DOCK7: variants seen among roughly 807,000 people sequenced by gnomAD.
DOCK7 encodes the protein dedicator of cytokinesis 7, also known as dedicator of cytokinesis protein 7.
A neutral mutation model predicts 271.0 loss-of-function variants in DOCK7; 138 were observed. The observed-to-expected ratio is 0.51, with a 90% CI of 0.44 to 0.59. The LOEUF is 0.59. Ranked by LOEUF, DOCK7 falls within the 20% of genes least tolerant of loss-of-function variation. The probability of loss-of-function intolerance (pLI) is 0.00; values close to 1 mark genes in which losing one functional copy is unlikely to be tolerated. For synonymous variants in DOCK7, 823 were observed against 876.1 expected (o/e 0.94, Z 1.07); for missense variants, 2,066 against 2,592.4 (o/e 0.80, Z 4.41).
chr1:62,506,799 C>T (rs188870829), intron 35 of DOCK7, among the ~76,000 whole-genome samples: 28 of 150,230 alleles, frequency 1.9e-4, no homozygotes, highest in Non-Finnish European at 3.3e-4. Context: ...AATACACAAT[C>T]AGCTGGGCGT....
intron 49 of DOCK7, 149 bp from the exon 50 acceptor site, chr1:62,455,605 C>T: frequency 1.5e-6 from 1 of 686,808 alleles, no homozygotes; most frequent in South Asian, 1.7e-5. Flanking sequence ...ATCCTACCTA[C>T]TCTGCCTTAT....
At chr1:62,504,846 T>G in intron 36 of DOCK7, 64 bp from the exon 37 acceptor site, 2 of 1,561,876 alleles carry the variant, frequency 1.3e-6, no homozygotes, top group South Asian at 2.4e-5. Flanking sequence ...GATATGTTAA[T>G]ATAACCTGAA....
At chr1:62,495,504 A>T (rs1388297477) in intron 39 of DOCK7, 77 bp downstream of exon 39, 3 of 854,970 alleles carry the variant, frequency 3.5e-6, no homozygotes, top group Non-Finnish European at 5.0e-6. Flanking sequence ...TTGTGTGTTT[A>T]TTTTTTTCAT....
chr1:62,570,967 G>A lies in DOCK7; in HGVS notation c.2112+6295C>T, dbSNP rs141280665. Among the ~76,000 whole-genome samples the A allele has an allele frequency of 5.5e-3, 840 of 152,178 alleles. 6 individuals carry two copies. Among genetic ancestry groups the A allele is most frequent in the African/African-American group, 0.019 (806 of 41,522 alleles). On this transcript the variant is annotated intron_variant, in intron 18 of 49. Coordinates refer to ENST00000635253, the MANE Select transcript of DOCK7 (RefSeq NM_001367561.1). ...TATACAAACCCTAGAAGAAAATCTA[G>A]GCAACACCATTCAGGACACAGGCAC...
At chr1:62,604,218 G>C in intron 14 of DOCK7, 1 of 1,613,122 alleles carries the variant, frequency 6.2e-7, no homozygotes, top group Non-Finnish European at 8.5e-7. Context: ...CACTTCAACT[G>C]TCCAGAGGGT....
At chr1:62,544,378 A>G (rs1645632015) in intron 23 of DOCK7, among the ~76,000 whole-genome samples, 1 of 152,208 alleles carries the variant, frequency 6.6e-6, no homozygotes, top group Admixed American at 6.5e-5. Flanking sequence ...CAGCTAAGGT[A>G]TAACAAATTT....
At chr1:62,683,843 G>A (rs934224824) in intron 1 of DOCK7, among the ~76,000 whole-genome samples, 1 of 151,962 alleles carries the variant, frequency 6.6e-6, no homozygotes, top group Admixed American at 6.6e-5. Context: ...TGGGAGAATC[G>A]CTTAAACCTG....
At chr1:62,538,581 T>C (rs575803119) in intron 27 of DOCK7, among the ~76,000 whole-genome samples, 2 of 152,316 alleles carry the variant, frequency 1.3e-5, no homozygotes, top group East Asian at 3.9e-4. Flanking sequence ...CAAGTTCTGG[T>C]AGCAATAGTA....
At position 62,559,083 on chromosome 1, in the gene DOCK7, T is replaced by A; in HGVS notation, c.2337A>T (p.Ser779=). 6.2e-7 allele frequency: 1 copy of A among 1,613,968 alleles called. No individual in the cohort carries two copies. Among genetic ancestry groups the A allele is most frequent in the Non-Finnish European group, 8.5e-7 (1 of 1,179,942 alleles). ...ATCGGACCACTGGTTCCAGCTGGGA[T>A]GAATTCAGTGCTGAAATACTGCTCT... ...ELKSSISALN[S]SQLEPVVRFL... The change falls in exon 20 of 50, where the codon TCA becomes TCT. Residue 779 remains serine (S), a synonymous_variant. Transcript: ENST00000635253.
intron 18 of DOCK7, among the ~76,000 whole-genome samples, chr1:62,562,693 G>C (rs374355705): frequency 2.6e-5 from 4 of 152,224 alleles, no homozygotes; most frequent in African/African-American, 9.6e-5. Context: ...TGATAGGCTA[G>C]AGATCTCAGG....
At chr1:62,464,075 T>A (rs1377998806) in intron 48 of DOCK7, among the ~76,000 whole-genome samples, 2 of 152,158 alleles carry the variant, frequency 1.3e-5, no homozygotes, top group Non-Finnish European at 2.9e-5. Flanking sequence ...TTTCTTTTTT[T>A]TTGAGCCGGA....
In DOCK7 at chr1:62,563,435, C is replaced by T. The variant is rs1367745168; in HGVS notation, c.2113-1732G>A. Among the ~76,000 whole-genome samples the T allele has an allele frequency of 3.3e-5, 5 of 151,636 alleles. No homozygotes were observed. In the East Asian group the frequency reaches 9.7e-4, roughly 29 times the overall value. The stretch of plus-strand genomic sequence containing the variant: ...AAGATGACATAGATGCTAGATAGAC[C>T]CGACAAGGATTTTAAAGCAGGTATC... On this transcript the variant is annotated intron_variant, in intron 18 of 49. Coordinates refer to ENST00000635253, the MANE Select transcript of DOCK7 (RefSeq NM_001367561.1).
chr1:62,554,249 G>C (rs1225545840), intron 21 of DOCK7, among the ~76,000 whole-genome samples: 1 of 151,922 alleles, frequency 6.6e-6, no homozygotes, highest in Non-Finnish European at 1.5e-5. Flanking sequence ...AAGGCAGGCG[G>C]ACCACGAGTT....
intron 41 of DOCK7, 105 bp downstream of exon 41, chr1:62,492,599 A>C: frequency 7.0e-7 from 1 of 1,433,966 alleles, no homozygotes. Context: ...AGAATAAATT[A>C]TCTTTAAAGA....
intron 30 of DOCK7, among the ~76,000 whole-genome samples, chr1:62,529,031 T>C (rs1305406593): frequency 6.6e-6 from 1 of 152,190 alleles, no homozygotes; most frequent in African/African-American, 2.4e-5. Flanking sequence ...TCCTAAAATG[T>C]AGGTACAGAA....
At chr1:62,593,890 T>C (rs577494206) in intron 14 of DOCK7, among the ~76,000 whole-genome samples, 58 of 152,222 alleles carry the variant, frequency 3.8e-4, no homozygotes, top group African/African-American at 1.3e-3. Flanking sequence ...AGAGATACTA[T>C]GTAAAAAAGA....
At chr1:62,686,935 C>T (rs572571452) in intron 1 of DOCK7, among the ~76,000 whole-genome samples, 9 of 151,956 alleles carry the variant, frequency 5.9e-5, no homozygotes, top group East Asian at 1.9e-4. Context: ...TGCAACACCA[C>T]ACCTGGCTAA....
At chr1:62,657,962 T>A (rs1273172193) in intron 2 of DOCK7, among the ~76,000 whole-genome samples, 7 of 151,408 alleles carry the variant, frequency 4.6e-5, no homozygotes. Flanking sequence ...ATCACCAGAG[T>A]CCTAGAAAGT....
Position 62,535,481 on chromosome 1 carries a change from T to A in DOCK7, c.3611+12A>T. The stretch of plus-strand genomic sequence containing the variant: ...AACTCATATTCTACAAGGTAAAAAC[T>A]AGTGTACTCACCCTTCAGCATCAGG... On this transcript the variant is annotated intron_variant, in intron 29 of 49. Coordinates refer to ENST00000635253, the MANE Select transcript of DOCK7 (RefSeq NM_001367561.1). The A allele has an allele frequency of 6.2e-7, 1 of 1,611,262 alleles. No individual in the cohort carries two copies. Among genetic ancestry groups the A allele is most frequent in the Non-Finnish European group, 8.5e-7 (1 of 1,178,756 alleles).
Sources: allele counts gnomAD v4.1 joint callset (sites outside exome capture counted in the v4.1 genomes callset), GRCh38; gene constraint gnomAD v4.1.1; transcripts MANE v1.5; gene names NCBI Gene and HGNC (gene_info 2026-07-23, HGNC 2026-07-21).